Variants in H3C3 observed in about 807,000 individuals in gnomAD.
H3C3 encodes H3 clustered histone 3.
Under a neutral mutation model 7.7 loss-of-function variants are expected in H3C3, and 14 were observed. The observed-to-expected ratio is 1.81, with a 90% CI of 1.20 to 2.83. H3C3 has a LOEUF of 2.83. H3C3 is among the 30% of genes most tolerant of loss of function. H3C3 has a pLI of 0.00. For synonymous variants in H3C3, 178 were observed against 77.1 expected (o/e 2.31, Z -6.86); for missense variants, 205 against 191.2 (o/e 1.07, Z -0.43).
chr6:26,045,844 G>T lies in H3C3; in HGVS notation c.*23G>T. On this transcript the variant is annotated 3_prime_UTR_variant, in exon 1 of 1. Transcript: ENST00000612966. ...TAAGTCTGCCCGTTTCTTCCTCATT[G>T]AAAAGGCTCTTTTCAGAGCCACTCA... 1.9e-6 allele frequency: 3 copies of T among 1,605,678 alleles called. No individual in the cohort carries two copies. The highest frequency in any genetic ancestry group is 2.5e-6 in the Non-Finnish European group (3 of 1,177,088).
Position 26,045,705 on chromosome 6 carries a change from G to A in H3C3, c.295G>A (p.Ala99Thr). ...AVMALQEACE[A>T]YLVGLFEDTN... ...GATGGCGCTGCAGGAGGCTTGTGAG[G>A]CCTACCTGGTGGGACTCTTCGAAGA... The change falls in exon 1 of 1, where the codon GCC (alanine) becomes ACC (threonine). Residue 99 changes from alanine to threonine, a missense_variant. Ala to Thr is a moderately conservative substitution (Grantham distance 58). Transcript: ENST00000612966. 1 of 1,614,204 alleles carries A rather than the reference G, an allele frequency of 6.2e-7. No homozygotes were observed. The highest frequency in any genetic ancestry group is 1.1e-5 in the South Asian group (1 of 91,084).
At position 26,045,475 on chromosome 6, in the gene H3C3, C is replaced by CTA. The variant is rs1761727112; in HGVS notation, c.66_67dup (p.Thr23IlefsTer15). Reference sequence around the variant, plus strand: ...GGCAAAGCTCCGCGCAAGCAGCTTGCTACTAAAGCAGCCCGTAAGAGCGCT... The same window carrying CTA: ...GGCAAAGCTCCGCGCAAGCAGCTTGCTATACTAAAGCAGCCCGTAAGAGCGCT... On this transcript the variant is annotated frameshift_variant, in exon 1 of 1. Transcript: ENST00000612966. LOFTEE classifies it high-confidence loss of function. 6.2e-7 allele frequency: 1 copy of CTA among 1,611,728 alleles called. No homozygotes were observed. The highest frequency in any genetic ancestry group is 8.5e-7 in the Non-Finnish European group (1 of 1,179,536).
rs1295811312 is a variant in H3C3, at chr6:26,045,730, A to G, written c.320A>G (p.Asp107Gly). The G allele has an allele frequency of 1.2e-6, 2 of 1,614,100 alleles. No homozygotes were observed. The highest frequency in any genetic ancestry group is 1.7e-5 in the Admixed American group (1 of 60,004). The part of the protein sequence containing the change: ...CEAYLVGLFE[D>G]TNLCAIHAKR... ...GCCTACCTGGTGGGACTCTTCGAAG[A>G]CACCAATCTGTGCGCTATTCACGCT... is the stretch of plus-strand genomic sequence containing the variant. Residue 107 changes from aspartate to glycine, a missense_variant, in exon 1 of 1, where the codon GAC becomes GGC. By Grantham distance (94) the Asp-to-Gly change is moderately conservative. Transcript: ENST00000612966.
chr6:26,045,494 G>A lies in H3C3; in HGVS notation c.84G>A (p.Lys28=), dbSNP rs773505635. The A allele has an allele frequency of 1.2e-6, 2 of 1,612,974 alleles. No individual in the cohort carries two copies. The highest frequency in any genetic ancestry group is 1.1e-5 in the South Asian group (1 of 91,032). Residue 28 remains lysine (K), a synonymous_variant, in exon 1 of 1, where the codon AAG becomes AAA. Coordinates refer to ENST00000612966, the MANE Select transcript of H3C3 (RefSeq NM_003531.3). ...RKQLATKAAR[K]SAPATGGVKK... is the part of the protein sequence containing the mutation. The stretch of plus-strand genomic sequence containing the variant: ...AGCTTGCTACTAAAGCAGCCCGTAA[G>A]AGCGCTCCGGCCACCGGTGGCGTGA...
rs771352320 is a variant in H3C3 at position 26,045,673 on chromosome 6, C to G, written c.263C>G (p.Ser88Cys). 2 of 1,614,236 alleles carry G rather than the reference C, an allele frequency of 1.2e-6. No individual in the cohort carries two copies. The change falls in exon 1 of 1, where the codon TCT (serine) becomes TGT (cysteine). Residue 88 changes from serine to cysteine, a missense_variant. Physicochemically the swap from Ser to Cys is moderately radical, Grantham distance 112 (BLOSUM62 -1). Transcript: ENST00000612966. ...AAAACCGACCTGCGTTTCCAGAGCT[C>G]TGCGGTGATGGCGCTGCAGGAGGCT... is the stretch of plus-strand genomic sequence containing the variant. The part of the protein sequence containing the change: ...DFKTDLRFQS[S>C]AVMALQEACE...
At position 26,045,401 on chromosome 6, in the gene H3C3, C is replaced by T. The variant is rs759656566; in HGVS notation, c.-10C>T. On this transcript the variant is annotated 5_prime_UTR_variant, in exon 1 of 1. Transcript: ENST00000612966. ...AGTTCACTACACTTTTGTGTGTGCTCTCATTGCAAATGGCTCGTACGAAGC... is the reference window on the plus strand; with the variant it reads ...AGTTCACTACACTTTTGTGTGTGCTTTCATTGCAAATGGCTCGTACGAAGC... The T allele has an allele frequency of 9.4e-6, 15 of 1,596,244 alleles. No homozygotes were observed. The highest frequency in any genetic ancestry group is 8.2e-5 in the African/African-American group (6 of 73,406).
rs1761729572 is a variant in H3C3, at chr6:26,045,549, G to A, written c.139G>A (p.Val47Met). 2 of 1,613,928 alleles carry A rather than the reference G, an allele frequency of 1.2e-6. No individual in the cohort carries two copies. The highest frequency in any genetic ancestry group is 3.3e-5 in the Admixed American group (2 of 59,978). The change falls in exon 1 of 1, where the codon GTG becomes ATG. Residue 47 changes from valine (V) to methionine (M), a missense_variant. Val to Met is a conservative substitution (Grantham distance 21). Coordinates refer to ENST00000612966, the MANE Select transcript of H3C3 (RefSeq NM_003531.3). ...ACCTCATCGCTACCGCCCGGGCACC[G>A]TGGCCTTGCGCGAAATCCGTCGCTA... ...KKPHRYRPGT[V>M]ALREIRRYQK...
rs1296022073 is a variant in H3C3, at chr6:26,045,814, G to A, written c.404G>A (p.Arg135Lys). Residue 135 changes from arginine to lysine, a missense_variant, in exon 1 of 1, where the codon AGG becomes AAG. By Grantham distance (26) the Arg-to-Lys change is conservative (BLOSUM62 2). Transcript: ENST00000612966. The part of the protein sequence containing the change: ...IQLARRIRGE[R>K]A ...CTGGCACGTCGCATCCGTGGGGAAA[G>A]GGCATAAGTCTGCCCGTTTCTTCCT... 2.5e-6 allele frequency: 4 copies of A among 1,613,914 alleles called. No individual in the cohort carries two copies. Among genetic ancestry groups the A allele is most frequent in the South Asian group, 1.1e-5 (1 of 91,084 alleles).
In H3C3 at chr6:26,045,424, A is replaced by T. The variant is rs370940167; in HGVS notation, c.14A>T (p.Lys5Met). 1 of 1,608,238 alleles carries T rather than the reference A, an allele frequency of 6.2e-7. No homozygotes were observed. The highest frequency in any genetic ancestry group is 1.3e-5 in the African/African-American group (1 of 74,448). The change falls in exon 1 of 1, where the codon AAG (lysine) becomes ATG (methionine). Residue 5 changes from lysine to methionine, a missense_variant. By Grantham distance (95) the Lys-to-Met change is moderately conservative. Transcript: ENST00000612966. ...CTCTCATTGCAAATGGCTCGTACGAAGCAAACAGCTCGCAAGTCTACCGGC... is the reference window on the plus strand; with the variant it reads ...CTCTCATTGCAAATGGCTCGTACGATGCAAACAGCTCGCAAGTCTACCGGC... Reference protein sequence around the residue: MARTKQTARKSTGGK... With the variant: MARTMQTARKSTGGK...
rs1761736631 is a variant in H3C3, at chr6:26,045,745, C to G, written c.335C>G (p.Ala112Gly). 1 of 1,614,258 alleles carries G rather than the reference C, an allele frequency of 6.2e-7. No individual in the cohort carries two copies. The highest frequency in any genetic ancestry group is 8.5e-7 in the Non-Finnish European group (1 of 1,180,034). ...CTCTTCGAAGACACCAATCTGTGCG[C>G]TATTCACGCTAAACGCGTCACCATC... ...VGLFEDTNLCAIHAKRVTIMP... is the reference protein window; with the variant it reads ...VGLFEDTNLCGIHAKRVTIMP... Residue 112 changes from alanine (A) to glycine (G), a missense_variant, in exon 1 of 1, where the codon GCT (alanine) becomes GGT (glycine). Physicochemically the swap from Ala to Gly is moderately conservative, Grantham distance 60. Coordinates refer to ENST00000612966, the MANE Select transcript of H3C3 (RefSeq NM_003531.3).
chr6:26,045,788 G>C lies in H3C3; in HGVS notation c.378G>C (p.Gln126His), dbSNP rs756634551. 3 of 1,614,218 alleles carry C rather than the reference G, an allele frequency of 1.9e-6. No homozygotes were observed. The highest frequency in any genetic ancestry group is 2.5e-6 in the Non-Finnish European group (3 of 1,180,050). The change falls in exon 1 of 1, where the codon CAG (glutamine) becomes CAC (histidine). Residue 126 changes from glutamine to histidine, a missense_variant. Coordinates refer to ENST00000612966, the MANE Select transcript of H3C3 (RefSeq NM_003531.3). ...KRVTIMPKDIQLARRIRGERA is the reference protein window; with the variant it reads ...KRVTIMPKDIHLARRIRGERA Reference sequence around the variant, plus strand: ...TCACCATCATGCCCAAAGATATCCAGCTGGCACGTCGCATCCGTGGGGAAA... The same window carrying C: ...TCACCATCATGCCCAAAGATATCCACCTGGCACGTCGCATCCGTGGGGAAA...
Position 26,045,743 on chromosome 6 carries a change from C to T in H3C3, c.333C>T (p.Cys111=), listed in dbSNP as rs749687894. 2.5e-6 allele frequency: 4 copies of T among 1,614,096 alleles called. No individual in the cohort carries two copies. The highest frequency in any genetic ancestry group is 2.5e-6 in the Non-Finnish European group (3 of 1,180,030). The change falls in exon 1 of 1, where the codon TGC becomes TGT. Residue 111 remains cysteine (C), a synonymous_variant. Transcript: ENST00000612966. ...GACTCTTCGAAGACACCAATCTGTG[C>T]GCTATTCACGCTAAACGCGTCACCA... ...LVGLFEDTNL[C]AIHAKRVTIM...
chr6:26,045,648 A>G lies in H3C3; in HGVS notation c.238A>G (p.Lys80Glu), dbSNP rs917890383. 2 of 1,614,112 alleles carry G rather than the reference A, an allele frequency of 1.2e-6. No individual in the cohort carries two copies. Among genetic ancestry groups the G allele is most frequent in the African/African-American group, 2.7e-5 (2 of 74,946 alleles). Residue 80 changes from lysine (K) to glutamate (E), a missense_variant, in exon 1 of 1, where the codon AAA (lysine) becomes GAA (glutamate). Physicochemically the swap from Lys to Glu is moderately conservative, Grantham distance 56 (BLOSUM62 1). Coordinates refer to ENST00000612966, the MANE Select transcript of H3C3 (RefSeq NM_003531.3). ...GGTGCGAGAAATCGCCCAGGACTTC[A>G]AAACCGACCTGCGTTTCCAGAGCTC... ...RLVREIAQDF[K>E]TDLRFQSSAV...
rs368974436 is a variant in H3C3, at chr6:26,045,833, T to C, written c.*12T>C. 6 of 1,609,410 alleles carry C rather than the reference T, an allele frequency of 3.7e-6. No homozygotes were observed. Among genetic ancestry groups the C allele is most frequent in the South Asian group, 1.1e-5 (1 of 90,766 alleles). ...GGGAAAGGGCATAAGTCTGCCCGTT[T>C]CTTCCTCATTGAAAAGGCTCTTTTC... is the stretch of plus-strand genomic sequence containing the variant. On this transcript the variant is annotated 3_prime_UTR_variant, in exon 1 of 1. Transcript: ENST00000612966.
rs1561923895 is a variant in H3C3, at chr6:26,045,524, ACCT to A, written c.116_118del (p.Pro39del). On this transcript the variant is annotated inframe_deletion, in exon 1 of 1. Transcript: ENST00000612966. ...CTCCGGCCACCGGTGGCGTGAAGAA[ACCT>A]CATCGCTACCGCCCGGGCACCGTGG... is the stretch of plus-strand genomic sequence containing the variant. 2 of 1,613,558 alleles carry A rather than the reference ACCT, an allele frequency of 1.2e-6. No individual in the cohort carries two copies.
rs757522458 is a variant in H3C3 at position 26,045,784 on chromosome 6, T to A, written c.374T>A (p.Ile125Asn). 1 of 1,614,184 alleles carries A rather than the reference T, an allele frequency of 6.2e-7. No homozygotes were observed. The highest frequency in any genetic ancestry group is 1.7e-5 in the Admixed American group (1 of 60,024). Residue 125 changes from isoleucine to asparagine, a missense_variant, in exon 1 of 1, where the codon ATC (isoleucine) becomes AAC (asparagine). Coordinates refer to ENST00000612966, the MANE Select transcript of H3C3 (RefSeq NM_003531.3). ...AKRVTIMPKD[I>N]QLARRIRGER... Reference sequence around the variant, plus strand: ...CGCGTCACCATCATGCCCAAAGATATCCAGCTGGCACGTCGCATCCGTGGG... The same window carrying A: ...CGCGTCACCATCATGCCCAAAGATAACCAGCTGGCACGTCGCATCCGTGGG...
At position 26,045,659 on chromosome 6, in the gene H3C3, G is replaced by C. The variant is rs1761732582; in HGVS notation, c.249G>C (p.Leu83=). 11 of 1,614,136 alleles carry C rather than the reference G, an allele frequency of 6.8e-6. No individual in the cohort carries two copies. Among genetic ancestry groups the C allele is most frequent in the Admixed American group, 6.7e-5 (4 of 60,008 alleles). Residue 83 remains leucine, a synonymous_variant, in exon 1 of 1, where the codon CTG becomes CTC. Transcript: ENST00000612966. The stretch of plus-strand genomic sequence containing the variant: ...TCGCCCAGGACTTCAAAACCGACCT[G>C]CGTTTCCAGAGCTCTGCGGTGATGG... ...REIAQDFKTD[L]RFQSSAVMAL...
At position 26,045,853 on chromosome 6, in the gene H3C3, C is replaced by T. The variant is rs755528794; in HGVS notation, c.*32C>T. 2 of 1,588,610 alleles carry T rather than the reference C, an allele frequency of 1.3e-6. No homozygotes were observed. Among genetic ancestry groups the T allele is most frequent in the Admixed American group, 1.8e-5 (1 of 55,616 alleles). ...CCGTTTCTTCCTCATTGAAAAGGCT[C>T]TTTTCAGAGCCACTCACAATTTCAC... On this transcript the variant is annotated 3_prime_UTR_variant, in exon 1 of 1. Coordinates refer to ENST00000612966, the MANE Select transcript of H3C3 (RefSeq NM_003531.3).
chr6:26,045,837 C>T lies in H3C3; in HGVS notation c.*16C>T, dbSNP rs373836422. The T allele has an allele frequency of 1.2e-4, 195 of 1,608,532 alleles. No individual in the cohort carries two copies. Among genetic ancestry groups the T allele is most frequent in the Middle Eastern group, 8.2e-4 (5 of 6,070 alleles). On this transcript the variant is annotated 3_prime_UTR_variant, in exon 1 of 1. Coordinates refer to ENST00000612966, the MANE Select transcript of H3C3 (RefSeq NM_003531.3). ...AAGGGCATAAGTCTGCCCGTTTCTT[C>T]CTCATTGAAAAGGCTCTTTTCAGAG...
Sources: allele counts gnomAD v4.1 joint callset, GRCh38; gene constraint gnomAD v4.1.1; transcripts MANE v1.5; gene names NCBI Gene and HGNC (gene_info 2026-07-23, HGNC 2026-07-21).